PPP4R3B: variants seen among roughly 807,000 people sequenced by gnomAD.
PPP4R3B encodes the protein protein phosphatase 4 regulatory subunit 3B.
A neutral mutation model predicts 95.4 loss-of-function variants in PPP4R3B; 52 were observed. The ratio of observed to expected loss-of-function variants is 0.54; its 90% confidence interval spans 0.44 to 0.69. PPP4R3B has a LOEUF of 0.69. PPP4R3B is among the 30% of genes least tolerant of loss of function. The pLI is 0.00. For synonymous variants in PPP4R3B, 407 were observed against 343.9 expected (o/e 1.18, Z -2.03); for missense variants, 1,003 against 1,005.9 (o/e 1.00, Z 0.04).
At chr2:55,589,971 A>T (rs1362631766) in intron 4 of PPP4R3B, among the ~76,000 whole-genome samples, 1 of 144,060 alleles carries the variant, frequency 6.9e-6, no homozygotes, top group Admixed American at 7.1e-5. Context: ...ATATATATTT[A>T]TATATATATT....
intron 15 of PPP4R3B, among the ~76,000 whole-genome samples, chr2:55,562,751 T>C (rs1231048179): frequency 6.6e-6 from 1 of 152,220 alleles, no homozygotes; most frequent in African/African-American, 2.4e-5. Context: ...AGCCATTCTA[T>C]GCTAGAACTC....
chr2:55,566,971 T>C (rs1282780818), intron 13 of PPP4R3B, among the ~76,000 whole-genome samples: 2 of 152,212 alleles, frequency 1.3e-5, no homozygotes, highest in Non-Finnish European at 2.9e-5. Context: ...TACATTATTG[T>C]ACTCCAGCTT....
At chr2:55,588,345 C>G (rs1041512312) in intron 5 of PPP4R3B, among the ~76,000 whole-genome samples, 1 of 151,882 alleles carries the variant, frequency 6.6e-6, no homozygotes, top group Non-Finnish European at 1.5e-5. Flanking sequence ...GAAATCCTGT[C>G]TCTACTAAAA....
At chr2:55,614,211 A>G (rs1169707407) in intron 2 of PPP4R3B, 1 of 152,208 alleles carries the variant, frequency 6.6e-6, no homozygotes, top group Non-Finnish European at 1.5e-5. Context: ...CCAACTACGA[A>G]GTACTTGTTT....
chr2:55,570,731 A>C (rs1484713248), intron 12 of PPP4R3B, among the ~76,000 whole-genome samples: 1 of 152,232 alleles, frequency 6.6e-6, no homozygotes, highest in Non-Finnish European at 1.5e-5. Context: ...AGAGGTTCTA[A>C]ACATTATCTG....
rs750858394 is a variant in PPP4R3B at position 55,598,500 on chromosome 2, T to C, written c.837A>G (p.Thr279=). The change falls in exon 4 of 17, where the codon ACA becomes ACG. Residue 279 remains threonine (T), a synonymous_variant. Transcript: ENST00000616407. ...GAAAATTCTCTTCAAAAACAGATGGTGTGGGCAAAATGATGTCCTGAATGT... is the reference window on the plus strand; with the variant it reads ...GAAAATTCTCTTCAAAAACAGATGGCGTGGGCAAAATGATGTCCTGAATGT... The part of the protein sequence containing the change: ...VQYIQDIILP[T]PSVFEENFLS... The C allele has an allele frequency of 1.2e-5, 19 of 1,614,114 alleles. 1 individual carries two copies. In the South Asian group the frequency reaches 1.8e-4, roughly 15 times the overall value.
chr2:55,616,789 T>C lies in PPP4R3B; in HGVS notation c.142+355A>G, dbSNP rs934020468. Among the ~76,000 whole-genome samples, 6 of 151,960 alleles carry C rather than the reference T, an allele frequency of 3.9e-5. No homozygotes were observed. In the South Asian group the frequency reaches 6.2e-4, roughly 16 times the overall value. ...CCCTAAACCGTTTGTACTAGACGTATAATGGATAAGTAAATAAAGGGGGAG... is the reference window on the plus strand; with the variant it reads ...CCCTAAACCGTTTGTACTAGACGTACAATGGATAAGTAAATAAAGGGGGAG... On this transcript the variant is annotated intron_variant, in intron 1 of 16. Coordinates refer to ENST00000616407, the MANE Select transcript of PPP4R3B (RefSeq NM_001122964.3).
chr2:55,599,303 T>C (rs1692230119), intron 3 of PPP4R3B, among the ~76,000 whole-genome samples: 1 of 152,102 alleles, frequency 6.6e-6, no homozygotes, highest in African/African-American at 2.4e-5. Context: ...CCAGGTGTGG[T>C]GGCATACGCC....
At chr2:55,593,407 T>C (rs1195390473) in intron 4 of PPP4R3B, among the ~76,000 whole-genome samples, 1 of 152,204 alleles carries the variant, frequency 6.6e-6, no homozygotes, top group Non-Finnish European at 1.5e-5. Flanking sequence ...AGGACCTTCG[T>C]ACTACCTCAC....
chr2:55,597,873 A>T (rs1355841062), intron 4 of PPP4R3B, among the ~76,000 whole-genome samples: 2 of 152,222 alleles, frequency 1.3e-5, no homozygotes, highest in African/African-American at 2.4e-5. Context: ...TCAATTTTAG[A>T]AACACAAATA....
At chr2:55,573,448 G>C (rs1039339360) in intron 12 of PPP4R3B, among the ~76,000 whole-genome samples, 171 bp downstream of exon 12, 2 of 152,156 alleles carry the variant, frequency 1.3e-5, no homozygotes, top group African/African-American at 4.8e-5. Context: ...ATATGTGGGT[G>C]GGAAAATCAC....
intron 2 of PPP4R3B, chr2:55,614,050 A>G (rs1278151677): frequency 6.6e-6 from 1 of 152,206 alleles, no homozygotes; most frequent in East Asian, 1.9e-4. Flanking sequence ...AAGACACACA[A>G]TATTTTCTAA....
rs575249026 is a variant in PPP4R3B at position 55,616,932 on chromosome 2, TAA to T, written c.142+210_142+211del. ...ACTGGAAAGGAAGGAGTCCAATCCT[TAA>T]GAGAGATGGGAGAAGGACAGAGAGT... On this transcript the variant is annotated intron_variant, in intron 1 of 16. Transcript: ENST00000616407. Among the ~76,000 whole-genome samples the T allele has an allele frequency of 2.9e-4, 44 of 152,052 alleles. No homozygotes were observed. The East Asian group carries it at 5.2e-3, about 18-fold the overall frequency.
intron 2 of PPP4R3B, among the ~76,000 whole-genome samples, chr2:55,608,934 C>T (rs149936186): frequency 2.6e-5 from 4 of 152,274 alleles, no homozygotes; most frequent in Admixed American, 2.0e-4. Flanking sequence ...GAGACTTAAT[C>T]ATGCCACCGT....
At position 55,602,734 on chromosome 2, in the gene PPP4R3B, C is replaced by T. The variant is rs559967003; in HGVS notation, c.297+1244G>A. ...CAGGAGAGAGAACTGGAAGCTCAAG[C>T]CTGAAACTCTCCTAGACCCTGCCCT... On this transcript the variant is annotated intron_variant, in intron 3 of 16. Transcript: ENST00000616407. Among the ~76,000 whole-genome samples, 84 of 152,246 alleles carry T rather than the reference C, an allele frequency of 5.5e-4. No homozygotes were observed. In the Middle Eastern group the frequency reaches 0.01, roughly 18 times the overall value.
chr2:55,556,953 C>T (rs1685918917), intron 16 of PPP4R3B, among the ~76,000 whole-genome samples: 1 of 152,128 alleles, frequency 6.6e-6, no homozygotes, highest in Admixed American at 6.6e-5. Flanking sequence ...CTCCCAGCTA[C>T]TCGGGAGGCT....
chr2:55,601,703 G>A (rs921899428), intron 3 of PPP4R3B, among the ~76,000 whole-genome samples: 1 of 152,118 alleles, frequency 6.6e-6, no homozygotes, highest in Admixed American at 6.6e-5. Flanking sequence ...TAATGACTAC[G>A]TGGGATTCTA....
chr2:55,589,123 C>T (rs1431959685), intron 4 of PPP4R3B, among the ~76,000 whole-genome samples, 167 bp from the exon 5 acceptor site: 1 of 152,152 alleles, frequency 6.6e-6, no homozygotes, highest in South Asian at 2.1e-4. Flanking sequence ...AATTTGACTA[C>T]ACCATTCAAT....
At position 55,561,218 on chromosome 2, in the gene PPP4R3B, G is replaced by A. The variant is rs377055624; in HGVS notation, c.2261-2250C>T. Among the ~76,000 whole-genome samples, 106 of 152,234 alleles carry A rather than the reference G, an allele frequency of 7.0e-4. No individual in the cohort carries two copies. The Middle Eastern group carries it at 0.01, about 15-fold the overall frequency. ...ACTCTTGGTGGCTTCCATGTGACAC[G>A]GGGCCTGTGGGGTAGAGGCAAGAAC... On this transcript the variant is annotated intron_variant, in intron 15 of 16. Coordinates refer to ENST00000616407, the MANE Select transcript of PPP4R3B (RefSeq NM_001122964.3).
Sources: gnomAD v4.1 joint callset for allele counts (sites outside exome capture counted in the v4.1 genomes callset) on GRCh38, gnomAD v4.1.1 for gene constraint, MANE v1.5 for transcripts, NCBI Gene and HGNC (gene_info 2026-07-23, HGNC 2026-07-21) for gene names.